The following PREX1 variants were observed in gnomAD, a reference collection of about 807,000 sequenced individuals.
The protein encoded by PREX1 is phosphatidylinositol-3,4,5-trisphosphate dependent Rac exchange factor 1.
In PREX1, 41 loss-of-function variants were observed where a neutral mutation model predicts 198.3. The ratio of observed to expected loss-of-function variants is 0.21; its 90% CI spans 0.16 to 0.27. The LOEUF is 0.27. PREX1 is among the 10% of genes least tolerant of loss of function. The pLI, the probability that PREX1 is intolerant of heterozygous loss-of-function variation, is 1.00. For synonymous variants in PREX1, 843 were observed against 887.2 expected, an observed-to-expected ratio of 0.95 and a Z score of 0.89; for missense variants, 1,620 against 2,200.7, an observed-to-expected ratio of 0.74 and a Z score of 5.28.
chr20:48,710,011 C>T (rs1240294404), intron 5 of PREX1, among the ~76,000 whole-genome samples: 2 of 152,192 alleles, frequency 1.3e-5, no homozygotes, highest in African/African-American at 2.4e-5. Flanking sequence ...GCTCTTGCCA[C>T]GCACCCAGGC....
intron 36 of PREX1, among the ~76,000 whole-genome samples, chr20:48,630,401 T>A (rs764151297): frequency 4.6e-5 from 7 of 152,256 alleles, no homozygotes; most frequent in Non-Finnish European, 8.8e-5. Context: ...TGACAGCAAA[T>A]TTGAAACACA....
At chr20:48,772,995 G>A (rs537233485) in intron 1 of PREX1, among the ~76,000 whole-genome samples, 151 of 152,300 alleles carry the variant, frequency 9.9e-4, no homozygotes, top group South Asian at 2.7e-3. Flanking sequence ...GGCCAGGCGC[G>A]GTGGCTCATG....
chr20:48,646,242 T>C (rs1386775210), intron 25 of PREX1, among the ~76,000 whole-genome samples, 185 bp from the exon 26 acceptor site: 1 of 152,228 alleles, frequency 6.6e-6, no homozygotes, highest in African/African-American at 2.4e-5. Context: ...AAGCCTTTCC[T>C]GTGAAGACCC....
At chr20:48,805,418 C>T (rs2090407442) in intron 1 of PREX1, among the ~76,000 whole-genome samples, 1 of 152,234 alleles carries the variant, frequency 6.6e-6, no homozygotes, top group South Asian at 2.1e-4. Context: ...GTGCTCTCTG[C>T]CAAGTGCAGC....
At position 48,627,477 on chromosome 20, in the gene PREX1, A is replaced by C; in HGVS notation, c.4937+71T>G. On this transcript the variant is annotated intron_variant, in intron 39 of 39. Transcript: ENST00000371941. Reference sequence around the variant, plus strand: ...GAGCATTAGGGGTTAGGCCAGGAGCATGATGCCAAAGCCAGGCCTGGGTCG... The same window carrying C: ...GAGCATTAGGGGTTAGGCCAGGAGCCTGATGCCAAAGCCAGGCCTGGGTCG... The C allele has an allele frequency of 3.3e-6, 5 of 1,533,632 alleles. No homozygotes were observed. In the South Asian group the frequency reaches 5.6e-5, roughly 17 times the overall value.
At chr20:48,658,371 C>T (rs185731701) in intron 16 of PREX1, 143 bp from the exon 17 acceptor site, 5 of 739,416 alleles carry the variant, frequency 6.8e-6, no homozygotes, top group South Asian at 3.5e-5. Flanking sequence ...CAGAGCAAAA[C>T]GCAAACAGCA....
chr20:48,865,031 A>G, the PREX1 span, among the ~76,000 whole-genome samples: 1 of 149,756 alleles, frequency 6.7e-6, no homozygotes, highest in African/African-American at 2.4e-5. Flanking sequence ...GCAAGGAGGC[A>G]GGGTTGGGGG....
Position 48,723,383 on chromosome 20 carries a change from TG to T in PREX1, c.621+2906del, listed in dbSNP as rs963774436. 5.9e-5 allele frequency among the ~76,000 whole-genome samples: 9 copies of T among 151,630 alleles called. No individual in the cohort carries two copies. In the South Asian group the frequency reaches 1.0e-3, roughly 18 times the overall value. ...TGACAGAAAGAAGGAACTCCGGAGG[TG>T]GGGGGGACAGAATTCCCCTGAGCCC... On this transcript the variant is annotated intron_variant, in intron 5 of 39. Transcript: ENST00000371941.
the PREX1 span, among the ~76,000 whole-genome samples, chr20:48,876,302 C>T: frequency 6.6e-6 from 1 of 152,138 alleles, no homozygotes; most frequent in African/African-American, 2.4e-5. Flanking sequence ...AGGACGGGAG[C>T]CAACCAGAGC....
At chr20:48,836,878 G>A in the PREX1 span, among the ~76,000 whole-genome samples, 36 of 146,230 alleles carry the variant, frequency 2.5e-4, no homozygotes, top group Non-Finnish European at 5.2e-4. Context: ...ACTCCACCTG[G>A]GCGACAGAGT....
At chr20:48,660,674 TAAC>T (rs58465698) in intron 15 of PREX1, among the ~76,000 whole-genome samples, 2,685 of 152,324 alleles carry the variant, frequency 0.018, 87 homozygotes, top group African/African-American at 0.062. Flanking sequence ...CTCCATTCGA[TAAC>T]AACTCCATAG....
intron 1 of PREX1, among the ~76,000 whole-genome samples, chr20:48,773,787 G>A (rs1263768762): frequency 6.6e-6 from 1 of 152,164 alleles, no homozygotes; most frequent in Non-Finnish European, 1.5e-5. Context: ...TAAGGTGGGA[G>A]CCATGGAGGG....
chr20:48,880,447 G>A, the PREX1 span, among the ~76,000 whole-genome samples: 10 of 152,282 alleles, frequency 6.6e-5, no homozygotes, highest in South Asian at 8.3e-4. Flanking sequence ...TTGAGGATAC[G>A]ATCTCTTTCT....
chr20:48,746,088 T>A (rs2090106430), intron 2 of PREX1, among the ~76,000 whole-genome samples: 2 of 152,220 alleles, frequency 1.3e-5, no homozygotes, highest in South Asian at 4.1e-4. Flanking sequence ...TGGCACAAAC[T>A]TGGCTCAGTG....
intron 1 of PREX1, among the ~76,000 whole-genome samples, chr20:48,769,574 C>T (rs2090225875): frequency 6.6e-6 from 1 of 152,170 alleles, no homozygotes; most frequent in Non-Finnish European, 1.5e-5. Flanking sequence ...TACGCAACTC[C>T]CTTCTCCCTC....
intron 10 of PREX1, among the ~76,000 whole-genome samples, chr20:48,683,013 C>A (rs1445732853): frequency 1.3e-5 from 2 of 152,182 alleles, no homozygotes; most frequent in Non-Finnish European, 2.9e-5. Context: ...TGGCTGGAGG[C>A]AGAGTGGGCT....
At chr20:48,715,134 G>C (rs973051818) in intron 5 of PREX1, among the ~76,000 whole-genome samples, 1 of 152,208 alleles carries the variant, frequency 6.6e-6, no homozygotes, top group Non-Finnish European at 1.5e-5. Context: ...TGAACTTCCA[G>C]GGTTTGGCCC....
At chr20:48,774,066 C>G (rs6125466) in intron 1 of PREX1, among the ~76,000 whole-genome samples, 1 of 152,284 alleles carries the variant, frequency 6.6e-6, no homozygotes, top group East Asian at 1.9e-4. Context: ...CTGGCCTGTA[C>G]CACTGGCAAG....
chr20:48,657,934 G>A (rs533683927), intron 17 of PREX1, among the ~76,000 whole-genome samples: 103 of 152,302 alleles, frequency 6.8e-4, no homozygotes, highest in African/African-American at 2.2e-3. Flanking sequence ...GCACAGCCCC[G>A]GGACTCTGCA....
Sources: gnomAD v4.1 joint callset for allele counts (sites outside exome capture counted in the v4.1 genomes callset) on GRCh38, gnomAD v4.1.1 for gene constraint, MANE v1.5 for transcripts, NCBI Gene and HGNC (gene_info 2026-07-23, HGNC 2026-07-21) for gene names.